ELF2: variants seen among roughly 807,000 people sequenced by gnomAD.
ELF2 encodes the protein ETS-related transcription factor Elf-2.
Under a neutral mutation model 54.8 loss-of-function variants are expected in ELF2, and 11 were observed. The observed-to-expected ratio is 0.20, with a 90% CI of 0.13 to 0.33. ELF2 has a LOEUF of 0.33. ELF2 is among the 10% of genes least tolerant of loss of function. ELF2 has a pLI of 1.00. For missense variants in ELF2, 513 were observed against 703.0 expected, an observed-to-expected ratio of 0.73 and a Z score of 3.06; for synonymous variants, 203 against 245.1, an observed-to-expected ratio of 0.83 and a Z score of 1.61.
At position 139,174,407 on chromosome 4, in the gene ELF2, G is replaced by T. The variant is rs546163320; in HGVS notation, c.-252+2560C>A. 2.0e-5 allele frequency among the ~76,000 whole-genome samples: 3 copies of T among 152,210 alleles called. No homozygotes were observed. The East Asian group carries it at 5.8e-4, about 29-fold the overall frequency. Reference sequence around the variant, plus strand: ...TATAATGATAGAAAGTCGATCAGTGGTTGCATAGGACTGGGAGTGCTGAGG... The same window carrying T: ...TATAATGATAGAAAGTCGATCAGTGTTTGCATAGGACTGGGAGTGCTGAGG... On this transcript the variant is annotated intron_variant, in intron 1 of 9. Coordinates refer to ENST00000686138, the MANE Select transcript of ELF2 (RefSeq NM_001331036.3).
chr4:139,117,306 T>A (rs1578844703), intron 4 of ELF2, among the ~76,000 whole-genome samples: 1 of 152,314 alleles, frequency 6.6e-6, no homozygotes, highest in Admixed American at 6.5e-5. Flanking sequence ...AATGTTTTTT[T>A]AAAAAGCAAC....
At chr4:139,106,801 T>A (rs1472608352) in intron 4 of ELF2, among the ~76,000 whole-genome samples, 1 of 148,072 alleles carries the variant, frequency 6.8e-6, no homozygotes, top group Non-Finnish European at 1.5e-5. Flanking sequence ...TGGAGTGCAA[T>A]GGCTTGATCT....
At chr4:139,118,739 A>C (rs1736015465) in intron 4 of ELF2, among the ~76,000 whole-genome samples, 1 of 152,192 alleles carries the variant, frequency 6.6e-6, no homozygotes, top group African/African-American at 2.4e-5. Flanking sequence ...GACATAAACA[A>C]AGTTAAACAA....
chr4:139,083,186 G>T (rs1008626595), intron 4 of ELF2, among the ~76,000 whole-genome samples: 1 of 152,230 alleles, frequency 6.6e-6, no homozygotes, highest in East Asian at 1.9e-4. Context: ...AGGTTTGGGG[G>T]GGGGTAGAGG....
chr4:139,093,658 A>AG (rs1732919772), intron 4 of ELF2, among the ~76,000 whole-genome samples: 1 of 152,208 alleles, frequency 6.6e-6, no homozygotes, highest in Non-Finnish European at 1.5e-5. Flanking sequence ...AGAGTAAAAG[A>AG]GAAAAATGAC....
At chr4:139,086,585 C>G (rs1560793553) in intron 4 of ELF2, among the ~76,000 whole-genome samples, 2 of 152,112 alleles carry the variant, frequency 1.3e-5, no homozygotes, top group Admixed American at 1.3e-4. Flanking sequence ...TTCACTTATT[C>G]AACAAATTAT....
At chr4:139,094,379 A>G (rs1437177040) in intron 4 of ELF2, among the ~76,000 whole-genome samples, 1 of 152,164 alleles carries the variant, frequency 6.6e-6, no homozygotes, top group African/African-American at 2.4e-5. Flanking sequence ...TCTGAGGGAA[A>G]CAATAACTGG....
At chr4:139,139,228 A>C (rs1738474181) in intron 2 of ELF2, among the ~76,000 whole-genome samples, 185 bp downstream of exon 2, 1 of 152,194 alleles carries the variant, frequency 6.6e-6, no homozygotes, top group Non-Finnish European at 1.5e-5. Flanking sequence ...GAAAAAAAGC[A>C]GAAATTTCAT....
chr4:139,143,440 G>A (rs576459327), intron 1 of ELF2, among the ~76,000 whole-genome samples: 4 of 152,274 alleles, frequency 2.6e-5, no homozygotes, highest in African/African-American at 7.2e-5. Context: ...TAAAAGGCCA[G>A]CAAACCCCAT....
At position 139,177,095 on chromosome 4, in the gene ELF2, C is replaced by G. The variant is rs1397666218; in HGVS notation, c.-380G>C. The stretch of plus-strand genomic sequence containing the variant: ...CTCCCCAGCAGCCCGAGCCGCTCCA[C>G]AGGGAGAGAAGGAGACAAAACAGAG... On this transcript the variant is annotated 5_prime_UTR_variant, in exon 1 of 10. Transcript: ENST00000686138. 1 of 152,276 alleles carries G rather than the reference C, an allele frequency of 6.6e-6. No homozygotes were observed. Among genetic ancestry groups the G allele is most frequent in the East Asian group, 1.9e-4 (1 of 5,148 alleles). The allele number at this position is 152,276 out of a possible 1,614,324, so 9.4% of individuals were successfully genotyped here. A position where few individuals can be genotyped will look rare whatever the true frequency, so the allele number is the denominator to read the frequency against.
chr4:139,070,772 T>A (rs1729399109), intron 6 of ELF2, among the ~76,000 whole-genome samples: 1 of 152,236 alleles, frequency 6.6e-6, no homozygotes, highest in African/African-American at 2.4e-5. Flanking sequence ...TCTCTTGAGA[T>A]GCATATAATC....
intron 2 of ELF2, 76 bp downstream of exon 2, chr4:139,139,337 C>T: frequency 1.4e-6 from 1 of 721,790 alleles, no homozygotes; most frequent in East Asian, 3.6e-5. Context: ...TAAAATTCCA[C>T]AGTCCCATCA....
rs769379908 is a variant in ELF2 at position 139,059,453 on chromosome 4, T to G, written c.1312A>C (p.Ile438Leu). Residue 438 changes from isoleucine (I) to leucine (L), a missense_variant, in exon 10 of 10, where the codon ATC becomes CTC. Coordinates refer to ENST00000686138, the MANE Select transcript of ELF2 (RefSeq NM_001331036.3). ...GTAGAAGCTGGCATCACAGTAGGGA[T>G]TGTCTGAATGACTACCTTTGGAGAG... ...ATSPKVVIQT[I>L]PTVMPASTEN... The G allele has an allele frequency of 6.2e-7, 1 of 1,613,984 alleles. No individual in the cohort carries two copies. Among genetic ancestry groups the G allele is most frequent in the East Asian group, 2.2e-5 (1 of 44,894 alleles).
intron 4 of ELF2, among the ~76,000 whole-genome samples, chr4:139,090,697 C>A (rs182426539): frequency 6.6e-6 from 1 of 152,116 alleles, no homozygotes; most frequent in African/African-American, 2.4e-5. Context: ...CAGGCTCAAA[C>A]GATTCTCGTG....
At chr4:139,074,381 A>T (rs1275229205) in intron 4 of ELF2, among the ~76,000 whole-genome samples, 1 of 152,176 alleles carries the variant, frequency 6.6e-6, no homozygotes, top group African/African-American at 2.4e-5. Flanking sequence ...AATTAATTCA[A>T]TTCTTACAGA....
intron 1 of ELF2, among the ~76,000 whole-genome samples, chr4:139,163,346 A>G (rs1741361503): frequency 6.6e-6 from 1 of 152,144 alleles, no homozygotes; most frequent in Non-Finnish European, 1.5e-5. Flanking sequence ...TATTTTGAAA[A>G]GTAATATTTA....
intron 4 of ELF2, among the ~76,000 whole-genome samples, chr4:139,083,076 T>G (rs1019100593): frequency 9.2e-5 from 14 of 151,580 alleles, no homozygotes; most frequent in Admixed American, 2.6e-4. Context: ...CCCCCAGAAA[T>G]CAACGTTCTA....
rs766069742 is a variant in ELF2 at position 139,174,336 on chromosome 4, C to T, written c.-252+2631G>A. On this transcript the variant is annotated intron_variant, in intron 1 of 9. Coordinates refer to ENST00000686138, the MANE Select transcript of ELF2 (RefSeq NM_001331036.3). Reference sequence around the variant, plus strand: ...ACGAAAGAAGCCAGTCACAAAAGACCGCATTTATGGTTTCATTTACATAAA... The same window carrying T: ...ACGAAAGAAGCCAGTCACAAAAGACTGCATTTATGGTTTCATTTACATAAA... Among the ~76,000 whole-genome samples, 7 of 151,874 alleles carry T rather than the reference C, an allele frequency of 4.6e-5. No individual in the cohort carries two copies. The East Asian group carries it at 7.7e-4, about 17-fold the overall frequency.
intron 1 of ELF2, among the ~76,000 whole-genome samples, chr4:139,149,556 G>A (rs1030170151): frequency 6.6e-6 from 1 of 152,200 alleles, no homozygotes; most frequent in Non-Finnish European, 1.5e-5. Flanking sequence ...AGAGGTTGCA[G>A]TGAGCCAAGA....
Sources: gnomAD v4.1 joint callset for allele counts (sites outside exome capture counted in the v4.1 genomes callset) on GRCh38, gnomAD v4.1.1 for gene constraint, MANE v1.5 for transcripts, NCBI Gene and HGNC (gene_info 2026-07-23, HGNC 2026-07-21) for gene names.